KCNH1: variants seen among roughly 807,000 people sequenced by gnomAD.
KCNH1 encodes the protein voltage-gated delayed rectifier potassium channel KCNH1.
Under a neutral mutation model 69.2 loss-of-function variants are expected in KCNH1, and 27 were observed. That is an observed-to-expected ratio of 0.39 (90% CI 0.29 to 0.54). The LOEUF (loss-of-function observed/expected upper bound fraction) is 0.54, where lower values mean the gene tolerates loss of function less well. Among genes scored for constraint, KCNH1 ranks in the 20% least tolerant of loss-of-function variants. The pLI is 0.68. For synonymous variants in KCNH1, 456 were observed against 487.7 expected, an observed-to-expected ratio of 0.93 and a Z score of 0.86; for missense variants, 798 against 1,261.6, an observed-to-expected ratio of 0.63 and a Z score of 5.57.
intron 7 of KCNH1, among the ~76,000 whole-genome samples, chr1:210,887,019 A>G (rs983132633): frequency 2.0e-5 from 3 of 152,214 alleles, no homozygotes; most frequent in South Asian, 2.1e-4. Flanking sequence ...AAGACAGGCC[A>G]ACATTCAAAA....
chr1:211,090,799 T>C, intron 3 of KCNH1, 109 bp from the exon 4 acceptor site: 1 of 1,038,598 alleles, frequency 9.6e-7, no homozygotes, highest in East Asian at 2.7e-5. Flanking sequence ...ATTTTTTAAA[T>C]GGTCTTATTA....
intron 7 of KCNH1, chr1:210,859,983 T>C: frequency 1.3e-6 from 2 of 1,590,496 alleles, no homozygotes; most frequent in Non-Finnish European, 1.7e-6. Context: ...TGGCAGTCTT[T>C]CTAAGGCTGC....
chr1:211,020,499 A>T (rs112446094), intron 5 of KCNH1, among the ~76,000 whole-genome samples: 10,941 of 151,968 alleles, frequency 0.072, 541 homozygotes, highest in South Asian at 0.18. Flanking sequence ...AATAAAAAAA[A>T]AAATCTCCCA....
chr1:211,035,544 AT>A (rs1381033158), intron 5 of KCNH1, among the ~76,000 whole-genome samples: 4 of 152,010 alleles, frequency 2.6e-5, no homozygotes, highest in Non-Finnish European at 2.9e-5. Flanking sequence ...ATTCTAAAAT[AT>A]TTTTATTGCT....
chr1:210,766,831 G>A (rs1294162203), intron 10 of KCNH1, among the ~76,000 whole-genome samples: 1 of 152,216 alleles, frequency 6.6e-6, no homozygotes, highest in East Asian at 1.9e-4. Context: ...GTCTGGAATA[G>A]ATTCTTTATG....
At chr1:210,884,265 G>A (rs1686556460) in intron 7 of KCNH1, among the ~76,000 whole-genome samples, 1 of 152,172 alleles carries the variant, frequency 6.6e-6, no homozygotes, top group Non-Finnish European at 1.5e-5. Context: ...GTCCAACAAT[G>A]TGGTATCTAC....
intron 1 of KCNH1, among the ~76,000 whole-genome samples, chr1:211,116,610 C>T (rs6669706): frequency 0.13 from 20,121 of 152,126 alleles, 1,550 homozygotes; most frequent in African/African-American, 0.22. Context: ...CATAATCAGA[C>T]GGACCAAACT....
intron 10 of KCNH1, among the ~76,000 whole-genome samples, chr1:210,755,689 C>T (rs970669229): frequency 3.3e-5 from 5 of 152,198 alleles, no homozygotes; most frequent in African/African-American, 1.2e-4. Context: ...AAAATCCATT[C>T]ATCTTCCTGA....
At chr1:210,728,947 T>C (rs1163608288) in intron 10 of KCNH1, among the ~76,000 whole-genome samples, 2 of 152,242 alleles carry the variant, frequency 1.3e-5, no homozygotes, top group Non-Finnish European at 2.9e-5. Context: ...AACATTCAGA[T>C]GTCTTTGCTG....
At chr1:210,888,602 A>C (rs1686673984) in intron 7 of KCNH1, among the ~76,000 whole-genome samples, 1 of 152,208 alleles carries the variant, frequency 6.6e-6, no homozygotes, top group Admixed American at 6.5e-5. Flanking sequence ...ACCCTTCAAA[A>C]AAATCAATGA....
chr1:211,026,531 C>T (rs933462573), intron 5 of KCNH1, among the ~76,000 whole-genome samples: 4 of 152,150 alleles, frequency 2.6e-5, no homozygotes, highest in East Asian at 1.9e-4. Flanking sequence ...GCCCCCACCC[C>T]GCCTCAGCTA....
chr1:210,755,835 C>T (rs1683387905), intron 10 of KCNH1, among the ~76,000 whole-genome samples: 1 of 152,164 alleles, frequency 6.6e-6, no homozygotes, highest in South Asian at 2.1e-4. Flanking sequence ...TTTTCTGAGT[C>T]CTCCCCACAG....
At chr1:210,904,948 G>T (rs771073936) in intron 7 of KCNH1, among the ~76,000 whole-genome samples, 8 of 152,096 alleles carry the variant, frequency 5.3e-5, no homozygotes, top group Admixed American at 3.3e-4. Flanking sequence ...GGGATGTGAG[G>T]GGGAGAACAA....
intron 6 of KCNH1, among the ~76,000 whole-genome samples, chr1:210,927,378 C>T (rs978672367): frequency 3.3e-5 from 5 of 152,194 alleles, no homozygotes; most frequent in Non-Finnish European, 7.4e-5. Flanking sequence ...AGAAACCCTA[C>T]AAGCTAGAAT....
At chr1:210,838,118 C>T (rs766160421) in intron 7 of KCNH1, among the ~76,000 whole-genome samples, 1 of 152,144 alleles carries the variant, frequency 6.6e-6, no homozygotes, top group Non-Finnish European at 1.5e-5. Context: ...GTAACCAAAA[C>T]AGCTTGGTAG....
At chr1:210,813,467 G>A (rs1248570381) in intron 7 of KCNH1, among the ~76,000 whole-genome samples, 6 of 152,132 alleles carry the variant, frequency 3.9e-5, no homozygotes, top group Admixed American at 3.9e-4. Context: ...AGGGGAGAGT[G>A]TGAGGGGGTA....
intron 4 of KCNH1, among the ~76,000 whole-genome samples, chr1:211,084,310 T>C (rs1690913477): frequency 6.6e-6 from 1 of 152,218 alleles, no homozygotes; most frequent in Non-Finnish European, 1.5e-5. Context: ...AAAAAGCTTT[T>C]CGAGAAGAGC....
At chr1:210,775,120 A>G (rs922331921) in intron 10 of KCNH1, among the ~76,000 whole-genome samples, 6 of 152,168 alleles carry the variant, frequency 3.9e-5, no homozygotes, top group African/African-American at 1.4e-4. Context: ...CTCCAAGCAC[A>G]TAAATAAATC....
At chr1:210,936,296 C>G (rs1256664971) in intron 6 of KCNH1, among the ~76,000 whole-genome samples, 3 of 152,228 alleles carry the variant, frequency 2.0e-5, no homozygotes, top group Non-Finnish European at 4.4e-5. Context: ...ACCTCTGGAA[C>G]CCATCTTCAT....
Sources: gnomAD v4.1 joint callset for allele counts (sites outside exome capture counted in the v4.1 genomes callset) on GRCh38, gnomAD v4.1.1 for gene constraint, MANE v1.5 for transcripts, NCBI Gene and HGNC (gene_info 2026-07-23, HGNC 2026-07-21) for gene names.